The following RIC1 variants were observed in gnomAD, a reference collection of about 807,000 sequenced individuals.
RIC1 encodes guanine nucleotide exchange factor subunit RIC1.
RIC1 carries 88 observed loss-of-function variants against 169.0 expected under a neutral mutation model. The observed-to-expected ratio is 0.52, with a 90% CI of 0.44 to 0.62. The LOEUF is 0.62. Among genes scored for constraint, RIC1 ranks in the 20% least tolerant of loss-of-function variants. RIC1 has a pLI of 0.00. For synonymous variants in RIC1, 790 were observed against 601.5 expected, an observed-to-expected ratio of 1.31 and a Z score of -4.59; for missense variants, 1,877 against 1,725.5, an observed-to-expected ratio of 1.09 and a Z score of -1.56.
At position 5,763,153 on chromosome 9, in the gene RIC1, C is replaced by G; in HGVS notation, c.2126C>G (p.Pro709Arg). 1.9e-6 allele frequency: 3 copies of G among 1,613,780 alleles called. No homozygotes were observed. Among genetic ancestry groups the G allele is most frequent in the South Asian group, 2.2e-5 (2 of 91,056 alleles). Residue 709 changes from proline (P) to arginine (R), a missense_variant, in exon 19 of 26, where the codon CCT (proline) becomes CGT (arginine). By Grantham distance (103) the Pro-to-Arg change is moderately radical. Transcript: ENST00000414202. This position sits in a 1 kb window ranked among gnomAD's most constrained non-coding sequence, Gnocchi z 5.2. Reference sequence around the variant, plus strand: ...CTCCTTCTCCAGCTGCCATTCTGTCCTCCTGTTGTACTAGCCCAGTCTGTT... The same window carrying G: ...CTCCTTCTCCAGCTGCCATTCTGTCGTCCTGTTGTACTAGCCCAGTCTGTT... The part of the protein sequence containing the change: ...NNQRKLLPFC[P>R]PVVLAQSVEN...
rs564783122 is a variant in RIC1, at chr9:5,753,882, G to A, written c.1602+236G>A. Among the ~76,000 whole-genome samples the A allele has an allele frequency of 1.2e-4, 19 of 152,050 alleles. No individual in the cohort carries two copies. In the South Asian group the frequency reaches 3.1e-3, roughly 25 times the overall value. The stretch of plus-strand genomic sequence containing the variant: ...TTTATTTTTAATTCTTTTTAAGATC[G>A]GTAACTATAATTCCTTAGCCTGAGG... On this transcript the variant is annotated intron_variant, in intron 14 of 25. Coordinates refer to ENST00000414202, the MANE Select transcript of RIC1 (RefSeq NM_020829.4).
intron 16 of RIC1, among the ~76,000 whole-genome samples, chr9:5,756,682 T>C (rs1826036217): frequency 6.6e-6 from 1 of 152,176 alleles, no homozygotes; most frequent in South Asian, 2.1e-4. Context: ...CTGACTCTCC[T>C]GGTGCTCTCG....
chr9:5,742,355 GT>G (rs1825130936), intron 8 of RIC1, among the ~76,000 whole-genome samples: 2 of 152,060 alleles, frequency 1.3e-5, no homozygotes, highest in Admixed American at 1.3e-4. Context: ...ATTTTTTATT[GT>G]TTTGAGGATT....
At chr9:5,711,023 T>C (rs1421517635) in intron 3 of RIC1, among the ~76,000 whole-genome samples, 3 of 152,190 alleles carry the variant, frequency 2.0e-5, no homozygotes, top group Non-Finnish European at 4.4e-5. Context: ...GTAAATTTCC[T>C]AGAGTTTAAA....
chr9:5,666,786 C>G (rs1819793336), intron 2 of RIC1, among the ~76,000 whole-genome samples: 1 of 138,114 alleles, frequency 7.2e-6, no homozygotes, highest in Non-Finnish European at 1.6e-5. Context: ...TGTATTCACA[C>G]AATATATTGA....
intron 2 of RIC1, among the ~76,000 whole-genome samples, chr9:5,664,401 G>A (rs962847788): frequency 6.6e-6 from 1 of 151,350 alleles, no homozygotes; most frequent in Non-Finnish European, 1.5e-5. Context: ...AACGGAGCGA[G>A]ACTCTGTCAA....
chr9:5,738,547 T>A lies in RIC1; in HGVS notation c.901+9T>A. 1.1e-4 allele frequency: 65 copies of A among 590,738 alleles called. No homozygotes were observed. The highest frequency in any genetic ancestry group is 1.4e-4 in the Non-Finnish European group (59 of 432,798). 36.6% of individuals were successfully genotyped at this position (590,738 alleles called of 1,614,324 possible). On this transcript the variant is annotated intron_variant, in intron 8 of 25. Coordinates refer to ENST00000414202, the MANE Select transcript of RIC1 (RefSeq NM_020829.4). ...AGCAAAACAGTATCCTGGTGAGTCT[T>A]TTTTTTTTTTTTTTTTTTTAACATT...
At position 5,683,240 on chromosome 9, in the gene RIC1, G is replaced by A. The variant is rs62557381; in HGVS notation, c.253-6719G>A. ...AGGCACTCTGATTTTTAGAGTTTCC[G>A]GTTTTTCTGCTCTGTTTTTTCCCCG... On this transcript the variant is annotated intron_variant, in intron 2 of 25. Coordinates refer to ENST00000414202, the MANE Select transcript of RIC1 (RefSeq NM_020829.4). 1.5e-3 allele frequency among the ~76,000 whole-genome samples: 228 copies of A among 152,218 alleles called. 1 individual carries two copies. The Middle Eastern group carries it at 0.017, about 11-fold the overall frequency.
chr9:5,721,122 C>G (rs1440094821), intron 6 of RIC1, among the ~76,000 whole-genome samples: 1 of 152,182 alleles, frequency 6.6e-6, no homozygotes, highest in Non-Finnish European at 1.5e-5. Context: ...CTTCCCTCTT[C>G]CCTGCTTCCA....
chr9:5,697,576 A>T (rs1821977340), intron 3 of RIC1, among the ~76,000 whole-genome samples: 1 of 152,228 alleles, frequency 6.6e-6, no homozygotes, highest in Non-Finnish European at 1.5e-5. Flanking sequence ...ATCCAAAAAT[A>T]CTTTTTATTA....
intron 16 of RIC1, among the ~76,000 whole-genome samples, chr9:5,756,908 T>G (rs1453677061): frequency 1.3e-5 from 2 of 152,240 alleles, no homozygotes; most frequent in Non-Finnish European, 2.9e-5. Context: ...TTTATTTTTG[T>G]TCTCAGAGGT....
chr9:5,750,538 C>G (rs548705905), intron 12 of RIC1, among the ~76,000 whole-genome samples: 1 of 151,886 alleles, frequency 6.6e-6, no homozygotes, highest in Non-Finnish European at 1.5e-5. Context: ...AGGAGGATGG[C>G]TCCCACAGTC....
intron 8 of RIC1, among the ~76,000 whole-genome samples, chr9:5,740,525 C>G (rs1825016152): frequency 6.6e-6 from 1 of 151,490 alleles, no homozygotes; most frequent in African/African-American, 2.4e-5. Context: ...ATCACAAGGT[C>G]CCACAATAGG....
rs1818236018 is a variant in RIC1, at chr9:5,641,350, C to T, written c.144+11897C>T. 1.3e-5 allele frequency among the ~76,000 whole-genome samples: 2 copies of T among 152,078 alleles called. 1 individual carries two copies. Among genetic ancestry groups the T allele is most frequent in the South Asian group, 4.1e-4 (2 of 4,830 alleles). ...TCATGATCTGCCCGCCTCGGCCTCC[C>T]AAAGTGCTGGGATTACAGGCATGAG... On this transcript the variant is annotated intron_variant, in intron 1 of 25. Coordinates refer to ENST00000414202, the MANE Select transcript of RIC1 (RefSeq NM_020829.4).
intron 1 of RIC1, among the ~76,000 whole-genome samples, chr9:5,649,864 C>T (rs183819675): frequency 4.1e-4 from 62 of 151,952 alleles, no homozygotes; most frequent in Admixed American, 2.1e-3. Context: ...AAGATCTATC[C>T]GTGGTGTTGG....
chr9:5,645,293 C>G (rs557832188), intron 1 of RIC1, among the ~76,000 whole-genome samples: 7 of 152,118 alleles, frequency 4.6e-5, no homozygotes, highest in African/African-American at 1.7e-4. Context: ...GTCAGGCTAT[C>G]CTCCGAAAGT....
chr9:5,691,403 C>T (rs150952847), intron 3 of RIC1, among the ~76,000 whole-genome samples: 1 of 151,898 alleles, frequency 6.6e-6, no homozygotes, highest in Non-Finnish European at 1.5e-5. Flanking sequence ...GCTATAGCCA[C>T]TTGTTTTTGT....
At chr9:5,641,990 T>TC (rs2130320349) in intron 1 of RIC1, among the ~76,000 whole-genome samples, 1 of 144,246 alleles carries the variant, frequency 6.9e-6, no homozygotes, top group Non-Finnish European at 1.5e-5. Context: ...TTGTAGATGT[T>TC]CATTGGTGTG....
intron 21 of RIC1, among the ~76,000 whole-genome samples, chr9:5,766,434 T>G (rs1019844080): frequency 5.9e-5 from 9 of 152,276 alleles, no homozygotes; most frequent in Non-Finnish European, 1.0e-4. Flanking sequence ...TGTGAGATTT[T>G]GGTGCACCCA....
Sources: gnomAD v4.1 joint callset for allele counts (sites outside exome capture counted in the v4.1 genomes callset) on GRCh38, gnomAD v4.1.1 for gene constraint, Gnocchi (gnomAD v3.1) non-coding constraint, MANE v1.5 for transcripts, NCBI Gene and HGNC (gene_info 2026-07-23, HGNC 2026-07-21) for gene names.